Variants in NDUFS1 observed in about 807,000 individuals in gnomAD.
NDUFS1 encodes NADH:ubiquinone oxidoreductase core subunit S1, also known as NADH-ubiquinone oxidoreductase 75 kDa subunit, mitochondrial.
A neutral mutation model predicts 84.4 loss-of-function variants in NDUFS1; 61 were observed. The observed-to-expected ratio is 0.72, with a 90% CI of 0.59 to 0.89. The LOEUF (loss-of-function observed/expected upper bound fraction) is 0.89. Among genes scored for constraint, NDUFS1 ranks in the 40% least tolerant of loss-of-function variants. The pLI is 0.00. For synonymous variants in NDUFS1, 275 were observed against 290.0 expected, an observed-to-expected ratio of 0.95 and a Z score of 0.53; for missense variants, 891 against 890.0, an observed-to-expected ratio of 1.00 and a Z score of -0.01.
In NDUFS1 at chr2:206,124,212, C is replaced by CT; in HGVS notation, c.2156dup (p.Ala720GlyfsTer21). The stretch of plus-strand genomic sequence containing the variant: ...AGCATATGGATGGTTCCTCTACTGC[C>CT]TGGGCACCCTCTGTGACAGCTTTGA... On this transcript the variant is annotated frameshift_variant, in exon 19 of 19. Transcript: ENST00000233190. LOFTEE classifies it high-confidence loss of function. The CT allele has an allele frequency of 1.2e-6, 2 of 1,613,176 alleles. No homozygotes were observed. Among genetic ancestry groups the CT allele is most frequent in the Non-Finnish European group, 1.7e-6 (2 of 1,179,178 alleles).
In NDUFS1 at chr2:206,136,082, ACT is replaced by A. The variant is rs1245887516; in HGVS notation, c.1392+2401_1392+2402del. Among the ~76,000 whole-genome samples, 15 of 146,834 alleles carry A rather than the reference ACT, an allele frequency of 1.0e-4. No homozygotes were observed. In the East Asian group the frequency reaches 3.0e-3, roughly 30 times the overall value. On this transcript the variant is annotated intron_variant, in intron 13 of 18. Transcript: ENST00000233190. Reference sequence around the variant, plus strand: ...TTTTGTTTTTTTGAGATGGAGTCTCACTCTGTCACCCAGGCTGGAGTCCAATG... The same window carrying A: ...TTTTGTTTTTTTGAGATGGAGTCTCACTGTCACCCAGGCTGGAGTCCAATG...
chr2:206,152,328 A>T (rs904833283), intron 3 of NDUFS1, 91 bp downstream of exon 3: 2 of 958,152 alleles, frequency 2.1e-6, no homozygotes, highest in African/African-American at 3.3e-5. Context: ...ATTTTAAAGA[A>T]TTATTTACTA....
rs199799342 is a variant in NDUFS1, at chr2:206,142,748, C to G, written c.1071G>C (p.Leu357Phe). 1.6e-4 allele frequency: 262 copies of G among 1,614,044 alleles called. No homozygotes were observed. Among genetic ancestry groups the G allele is most frequent in the Non-Finnish European group, 1.9e-4 (227 of 1,180,036 alleles). ...DAEALVALKDLLNRVDSDTLC... is the reference protein window; with the variant it reads ...DAEALVALKDFLNRVDSDTLC... ...AGGTGTCAGAGTCCACTCTATTAAG[C>G]AAATCTTTGAGAGCTACCAGGGCTT... is the stretch of plus-strand genomic sequence containing the variant. Residue 357 changes from leucine (L) to phenylalanine (F), a missense_variant, in exon 11 of 19, where the codon TTG becomes TTC. Transcript: ENST00000233190.
intron 12 of NDUFS1, 126 bp downstream of exon 12, chr2:206,141,815 A>G (rs1200651943): frequency 3.6e-6 from 3 of 824,500 alleles, no homozygotes; most frequent in Non-Finnish European, 5.6e-6. Context: ...AAAAAAAAAA[A>G]TTGTCTTCCA....
intron 14 of NDUFS1, among the ~76,000 whole-genome samples, chr2:206,132,497 A>T (rs1329180617): frequency 6.6e-6 from 1 of 152,122 alleles, no homozygotes; most frequent in African/African-American, 2.4e-5. Flanking sequence ...CAGGGGTGGG[A>T]GGATCGCTGG....
intron 10 of NDUFS1, 95 bp downstream of exon 10, chr2:206,143,923 T>C (rs1383297369): frequency 2.0e-6 from 2 of 1,020,846 alleles, no homozygotes; most frequent in East Asian, 4.9e-5. Context: ...TTGGTAAAAG[T>C]AAAAAAGGGA....
chr2:206,122,472 T>C lies in NDUFS1; in HGVS notation c.*1713A>G, dbSNP rs1421330883. On this transcript the variant is annotated 3_prime_UTR_variant, in exon 19 of 19. Transcript: ENST00000233190. ...GGTGAAACCCTGTCTCTACTAAAAA[T>C]ACAAAAATTAGCCAGGTGTGGTGGC... 6.6e-6 allele frequency: 1 copy of C among 151,340 alleles called. No homozygotes were observed. The highest frequency in any genetic ancestry group is 2.4e-5 in the African/African-American group (1 of 41,168). 9.4% of individuals were successfully genotyped at this position (151,340 alleles called of 1,614,324 possible). A position where few individuals can be genotyped will look rare whatever the true frequency, so the allele number is the denominator to read the frequency against.
chr2:206,131,735 C>G (rs761490129), intron 14 of NDUFS1, among the ~76,000 whole-genome samples: 5 of 151,928 alleles, frequency 3.3e-5, no homozygotes, highest in East Asian at 3.9e-4. Context: ...GTCAGGAGAT[C>G]GAGACCATCC....
intron 2 of NDUFS1, among the ~76,000 whole-genome samples, 170 bp from the exon 3 acceptor site, chr2:206,152,680 T>C (rs1692418100): frequency 6.6e-6 from 1 of 151,726 alleles, no homozygotes; most frequent in African/African-American, 2.4e-5. Flanking sequence ...CAGAGTAGTT[T>C]AAACTGAAAC....
At position 206,120,310 on chromosome 2, in the gene NDUFS1, A is replaced by C. The variant is rs192395264; in HGVS notation, c.*3875T>G. 2.0e-5 allele frequency: 3 copies of C among 152,360 alleles called. No individual in the cohort carries two copies. Among genetic ancestry groups the C allele is most frequent in the Non-Finnish European group, 2.9e-5 (2 of 68,062 alleles). 9.4% of individuals were successfully genotyped at this position (152,360 alleles called of 1,614,324 possible). On this transcript the variant is annotated 3_prime_UTR_variant, in exon 19 of 19. Coordinates refer to ENST00000233190, the MANE Select transcript of NDUFS1 (RefSeq NM_005006.7). ...GCTATACATATTGGAAAATGTAGAA[A>C]CAGCTTTGGAACTGGGTAACAGGCA...
At position 206,116,192 on chromosome 2, in the gene NDUFS1, A is replaced by G. The variant is rs1690938002; in HGVS notation, c.*7993T>C. The G allele has an allele frequency of 1.3e-6, 2 of 1,500,540 alleles. No individual in the cohort carries two copies. The highest frequency in any genetic ancestry group is 2.7e-5 in the African/African-American group (2 of 72,774). 93.0% of individuals were successfully genotyped at this position (1,500,540 alleles called of 1,614,324 possible). On this transcript the variant is annotated 3_prime_UTR_variant, in exon 19 of 19. Coordinates refer to ENST00000233190, the MANE Select transcript of NDUFS1 (RefSeq NM_005006.7). The stretch of plus-strand genomic sequence containing the variant: ...TAGTTATGAAGGGTTACTCAGTGTC[A>G]TCTTGATCAGCCAACCATCTTCATA...
At chr2:206,141,597 TAA>T (rs35163721) in intron 12 of NDUFS1, among the ~76,000 whole-genome samples, 62,308 of 136,084 alleles carry the variant, frequency 0.46, 13,967 homozygotes, top group African/African-American at 0.55. Flanking sequence ...TTAAAAAAAT[TAA>T]AAAAAAAAAA....
At chr2:206,128,100 A>G (rs1575947304) in intron 15 of NDUFS1, 128 bp from the exon 16 acceptor site, 1 of 989,620 alleles carries the variant, frequency 1.0e-6, no homozygotes, top group Non-Finnish European at 1.6e-6. Flanking sequence ...AACTAAAATG[A>G]AACAGTAGTG....
chr2:206,140,937 T>TACACACAC (rs1400001002), intron 12 of NDUFS1, among the ~76,000 whole-genome samples: 61 of 59,424 alleles, frequency 1.0e-3, no homozygotes, highest in African/African-American at 6.4e-3. Context: ...TATATATATA[T>TACACACAC]ATATATACAC....
At position 206,115,546 on chromosome 2, in the gene NDUFS1, A is replaced by ATTT; in HGVS notation, c.*8636_*8638dup. 4 of 167,566 alleles carry ATTT rather than the reference A, an allele frequency of 2.4e-5. No individual in the cohort carries two copies. Among genetic ancestry groups the ATTT allele is most frequent in the Non-Finnish European group, 3.7e-5 (3 of 80,608 alleles). 10.4% of individuals were successfully genotyped at this position (167,566 alleles called of 1,614,324 possible). On this transcript the variant is annotated 3_prime_UTR_variant, in exon 19 of 19. Transcript: ENST00000233190. ...TGGCCTCCAGAATTGTAAGAAGTAAATTTTTTTTTTTTTTAACGAAGAAGT... is the reference window on the plus strand; with the variant it reads ...TGGCCTCCAGAATTGTAAGAAGTAAATTTTTTTTTTTTTTTTTAACGAAGAAGT...
chr2:206,147,661 C>T lies in NDUFS1; in HGVS notation c.421G>A (p.Asp141Asn). ...TCATTTCCAAACATCATGGACTGGT[C>T]CTTAAGTAGATTATGAAAGAGTCAA... Reference protein sequence around the residue: ...CDQGGECDLQDQSMMFGNDRS... With the variant: ...CDQGGECDLQNQSMMFGNDRS... The change falls in exon 7 of 19, where the codon GAC becomes AAC. Residue 141 changes from aspartate to asparagine, a missense_variant and splice_region_variant. Physicochemically the swap from Asp to Asn is conservative, Grantham distance 23 (BLOSUM62 1). Transcript: ENST00000233190. 6.2e-7 allele frequency: 1 copy of T among 1,614,088 alleles called. No individual in the cohort carries two copies. Among genetic ancestry groups the T allele is most frequent in the Non-Finnish European group, 8.5e-7 (1 of 1,180,014 alleles).
rs4147723 is a variant in NDUFS1, at chr2:206,130,516, G to A, written c.1554-274C>T. ...ACTACAGGCACATGCCACCACACCC[G>A]GCTAATTTTTGTATTTTCAGTAGAG... On this transcript the variant is annotated intron_variant, in intron 14 of 18. Transcript: ENST00000233190. 0.44 allele frequency among the ~76,000 whole-genome samples: 66,164 copies of A among 151,730 alleles called. 14,934 individuals are homozygous for A. The highest frequency in any genetic ancestry group is 0.53 in the African/African-American group (21,719 of 41,346).
intron 2 of NDUFS1, 117 bp from the exon 3 acceptor site, chr2:206,152,627 G>T: frequency 1.3e-6 from 1 of 795,492 alleles, no homozygotes; most frequent in Non-Finnish European, 2.2e-6. Context: ...TTATTCCTCT[G>T]TATTGCTCTG....
intron 13 of NDUFS1, among the ~76,000 whole-genome samples, chr2:206,133,842 C>T (rs13415489): frequency 0.43 from 64,876 of 151,940 alleles, 14,253 homozygotes; most frequent in African/African-American, 0.49. Flanking sequence ...TAACCAGGTG[C>T]GGTGTTATGT....
Sources: gnomAD v4.1 joint callset for allele counts (sites outside exome capture counted in the v4.1 genomes callset) on GRCh38, gnomAD v4.1.1 for gene constraint, MANE v1.5 for transcripts, NCBI Gene and HGNC (gene_info 2026-07-23, HGNC 2026-07-21) for gene names.